STAG1: variants seen among roughly 807,000 people sequenced by gnomAD.
The protein encoded by STAG1 is cohesin subunit SA-1.
A neutral mutation model predicts 170.9 loss-of-function variants in STAG1; 26 were observed. The observed-to-expected ratio is 0.15, with a 90% CI of 0.11 to 0.21. The LOEUF is 0.21. Among genes scored for constraint, STAG1 ranks in the 10% least tolerant of loss-of-function variants. STAG1 has a pLI of 1.00. For missense variants in STAG1, 964 were observed against 1,509.5 expected, an observed-to-expected ratio of 0.64 and a Z score of 5.99; for synonymous variants, 514 against 497.7, an observed-to-expected ratio of 1.03 and a Z score of -0.44.
chr3:136,683,840 T>TATACAAA (rs1332064418), intron 1 of STAG1, among the ~76,000 whole-genome samples: 8 of 152,138 alleles, frequency 5.3e-5, no homozygotes, highest in Non-Finnish European at 8.8e-5. Flanking sequence ...AAAAAGTGAT[T>TATACAAA]GTAGCAAAGT....
chr3:136,458,067 G>A (rs2089168263), intron 13 of STAG1, among the ~76,000 whole-genome samples: 1 of 152,192 alleles, frequency 6.6e-6, no homozygotes, highest in South Asian at 2.1e-4. Context: ...GTGTTAAAGT[G>A]TAAAGTTTAT....
chr3:136,377,366 G>A (rs1203749488), intron 23 of STAG1, among the ~76,000 whole-genome samples: 3 of 82,814 alleles, frequency 3.6e-5, no homozygotes, highest in Non-Finnish European at 6.3e-5. Context: ...CAGCCTGGGC[G>A]ACAGAGCGAG....
At chr3:136,566,709 G>A (rs1465198699) in intron 5 of STAG1, among the ~76,000 whole-genome samples, 3 of 152,116 alleles carry the variant, frequency 2.0e-5, no homozygotes, top group Non-Finnish European at 2.9e-5. Flanking sequence ...TATAGCTGAC[G>A]ATTTGGCAGT....
chr3:136,369,242 T>C lies in STAG1; in HGVS notation c.2411A>G (p.His804Arg). ...LLCDLLMIFS[H>R]QLMTGGREGL... is the part of the protein sequence containing the mutation. ...CTCTCTGCCACCTGTCATTAATTGGTGGCTGAAAATCATCAGAAGATCACA... is the reference window on the plus strand; with the variant it reads ...CTCTCTGCCACCTGTCATTAATTGGCGGCTGAAAATCATCAGAAGATCACA... The change falls in exon 24 of 34, where the codon CAC becomes CGC. Residue 804 changes from histidine (H) to arginine (R), a missense_variant. His to Arg is a conservative substitution (Grantham distance 29). Coordinates refer to ENST00000383202, the MANE Select transcript of STAG1 (RefSeq NM_005862.3). 3.7e-6 allele frequency: 6 copies of C among 1,602,090 alleles called. No individual in the cohort carries two copies. The highest frequency in any genetic ancestry group is 5.1e-6 in the Non-Finnish European group (6 of 1,177,206).
chr3:136,375,708 C>T (rs139952844), intron 23 of STAG1, among the ~76,000 whole-genome samples: 1 of 151,748 alleles, frequency 6.6e-6, no homozygotes, highest in Non-Finnish European at 1.5e-5. Flanking sequence ...CAGTGGCTCA[C>T]ACCTGTAATC....
chr3:136,364,152 G>A (rs1278074521), intron 25 of STAG1, among the ~76,000 whole-genome samples: 3 of 151,498 alleles, frequency 2.0e-5, no homozygotes, highest in South Asian at 2.1e-4. Context: ...GCATGATCTC[G>A]GCTCACTACA....
chr3:136,352,333 TG>T (rs1378035262), intron 28 of STAG1, among the ~76,000 whole-genome samples: 1 of 152,052 alleles, frequency 6.6e-6, no homozygotes, highest in Non-Finnish European at 1.5e-5. Flanking sequence ...AGCTAATTTT[TG>T]TATTTGTGTA....
chr3:136,405,881 A>G (rs2087470209), intron 21 of STAG1, among the ~76,000 whole-genome samples: 1 of 151,858 alleles, frequency 6.6e-6, no homozygotes. Context: ...GGCTAAAGTA[A>G]AGATTATCAA....
intron 1 of STAG1, among the ~76,000 whole-genome samples, chr3:136,700,546 A>G (rs1195374600): frequency 6.6e-6 from 1 of 151,638 alleles, no homozygotes; most frequent in Admixed American, 6.6e-5. Context: ...CAGCCTCCCA[A>G]GCAGCTGGGA....
intron 12 of STAG1, among the ~76,000 whole-genome samples, chr3:136,468,520 C>G (rs1448896816): frequency 2.0e-5 from 3 of 152,076 alleles, no homozygotes; most frequent in Non-Finnish European, 2.9e-5. Flanking sequence ...ACTTAATAGC[C>G]TACCAACCAA....
chr3:136,462,975 C>T (rs961721659), intron 13 of STAG1, among the ~76,000 whole-genome samples: 1 of 151,954 alleles, frequency 6.6e-6, no homozygotes, highest in African/African-American at 2.4e-5. Flanking sequence ...ACAGAAGCAA[C>T]AAATTATTTC....
intron 8 of STAG1, among the ~76,000 whole-genome samples, chr3:136,502,314 G>A (rs923715477): frequency 2.1e-5 from 3 of 145,550 alleles, no homozygotes; most frequent in Non-Finnish European, 3.1e-5. Context: ...TGGAAATGTA[G>A]CTTTGCTGGC....
intron 10 of STAG1, among the ~76,000 whole-genome samples, chr3:136,473,906 C>T (rs1182971435): frequency 9.9e-5 from 15 of 151,960 alleles, no homozygotes; most frequent in Admixed American, 7.2e-4. Context: ...GTATAACCCA[C>T]GTCATCCAGA....
chr3:136,672,324 CA>C (rs771901013), intron 1 of STAG1, among the ~76,000 whole-genome samples: 1 of 152,150 alleles, frequency 6.6e-6, no homozygotes, highest in Non-Finnish European at 1.5e-5. Flanking sequence ...TGTTTCAACA[CA>C]AAACCTTAAA....
intron 9 of STAG1, among the ~76,000 whole-genome samples, chr3:136,497,434 C>T (rs780399061): frequency 1.3e-5 from 2 of 152,026 alleles, no homozygotes; most frequent in Non-Finnish European, 2.9e-5. Flanking sequence ...ATAAATTCAC[C>T]ACATTAAGTC....
rs774495436 is a variant in STAG1 at position 136,623,294 on chromosome 3, T to C, written c.30-46A>G. On this transcript the variant is annotated intron_variant, in intron 2 of 33. Coordinates refer to ENST00000383202, the MANE Select transcript of STAG1 (RefSeq NM_005862.3). ...TTAGCGAACAAATTAATAAGTATAA[T>C]GCATTTCTGTTTCACTACTTTCCTT... 10 of 1,557,516 alleles carry C rather than the reference T, an allele frequency of 6.4e-6. No homozygotes were observed. In the African/African-American group the frequency reaches 6.8e-5, roughly 11 times the overall value.
intron 13 of STAG1, among the ~76,000 whole-genome samples, chr3:136,464,211 G>T (rs555185479): frequency 6.6e-6 from 1 of 152,028 alleles, no homozygotes; most frequent in South Asian, 2.1e-4. Context: ...ATTACCTGAG[G>T]TCGGGAGTTC....
chr3:136,594,968 C>T (rs184598979), intron 4 of STAG1, among the ~76,000 whole-genome samples: 2 of 152,186 alleles, frequency 1.3e-5, no homozygotes, highest in South Asian at 2.1e-4. Context: ...TGGGGTTTTG[C>T]CATGTTGCCC....
At chr3:136,719,709 C>G (rs1056796476) in intron 1 of STAG1, among the ~76,000 whole-genome samples, 3 of 147,320 alleles carry the variant, frequency 2.0e-5, no homozygotes, top group African/African-American at 7.5e-5. Flanking sequence ...ATGGATGGAT[C>G]GATCTCAAAA....
Sources: allele counts gnomAD v4.1 joint callset (sites outside exome capture counted in the v4.1 genomes callset), GRCh38; gene constraint gnomAD v4.1.1; transcripts MANE v1.5; gene names NCBI Gene and HGNC (gene_info 2026-07-23, HGNC 2026-07-21).